The following GAD2 variants were observed in gnomAD, a reference collection of about 807,000 sequenced individuals.
GAD2 encodes the protein glutamate decarboxylase 2.
Under a neutral mutation model 80.1 loss-of-function variants are expected in GAD2, and 22 were observed. The ratio of observed to expected loss-of-function variants is 0.27; its 90% CI spans 0.20 to 0.39. The LOEUF (loss-of-function observed/expected upper bound fraction) is 0.39, where lower values mean the gene tolerates loss of function less well. GAD2 is among the 10% of genes least tolerant of loss of function. GAD2 has a pLI of 1.00. For synonymous variants in GAD2, 274 were observed against 256.9 expected (o/e 1.07, Z -0.64); for missense variants, 624 against 738.4 (o/e 0.85, Z 1.80).
At chr10:26,274,120 G>C (rs1845170407) in intron 11 of GAD2, among the ~76,000 whole-genome samples, 1 of 152,266 alleles carries the variant, frequency 6.6e-6, no homozygotes, top group South Asian at 2.1e-4. Flanking sequence ...ATTTTTCAAA[G>C]CAAATAAGCA....
chr10:26,244,043 C>T (rs1766976764), intron 7 of GAD2, among the ~76,000 whole-genome samples: 1 of 152,210 alleles, frequency 6.6e-6, no homozygotes, highest in Admixed American at 6.5e-5. Context: ...AAATAAACGA[C>T]TGTATTCAAA....
At chr10:26,252,408 T>G (rs1240248654) in intron 8 of GAD2, among the ~76,000 whole-genome samples, 1 of 151,964 alleles carries the variant, frequency 6.6e-6, no homozygotes, top group African/African-American at 2.4e-5. Context: ...AGTGGCACAA[T>G]CTCAGCTCAC....
At chr10:26,220,473 C>T (rs8190609) in intron 4 of GAD2, among the ~76,000 whole-genome samples, 4 of 152,010 alleles carry the variant, frequency 2.6e-5, no homozygotes, top group African/African-American at 7.2e-5. Flanking sequence ...GGTAGGCATA[C>T]AAAAAGCCTT....
At chr10:26,277,535 C>T (rs960922981) in intron 11 of GAD2, among the ~76,000 whole-genome samples, 3 of 152,174 alleles carry the variant, frequency 2.0e-5, no homozygotes, top group Non-Finnish European at 4.4e-5. Context: ...GGCATTAACT[C>T]TGCATTAGAG....
At chr10:26,263,010 C>T (rs1261005565) in intron 8 of GAD2, among the ~76,000 whole-genome samples, 3 of 152,140 alleles carry the variant, frequency 2.0e-5, no homozygotes, top group Admixed American at 1.3e-4. Context: ...AAGGAGGTTT[C>T]ATATACAAAA....
intron 10 of GAD2, among the ~76,000 whole-genome samples, chr10:26,272,411 A>G (rs1383364850): frequency 6.6e-6 from 1 of 152,180 alleles, no homozygotes; most frequent in Non-Finnish European, 1.5e-5. Flanking sequence ...CCTCCTACTT[A>G]AATTAGAACT....
In GAD2 at chr10:26,224,539, G is replaced by C; in HGVS notation, c.612G>C (p.Met204Ile). The change falls in exon 6 of 16, where the codon ATG becomes ATC. Residue 204 changes from methionine to isoleucine, a missense_variant and splice_region_variant. Physicochemically the swap from Met to Ile is conservative, Grantham distance 10. Coordinates refer to ENST00000376261, the MANE Select transcript of GAD2 (RefSeq NM_001134366.2). ...DWLTSTANTN[M>I]FTYEIAPVFV... ...AAATGTGGCCATTACTACATTTCAG[G>C]TTCACCTATGAAATTGCTCCAGTAT... 3 of 1,594,554 alleles carry C rather than the reference G, an allele frequency of 1.9e-6. No homozygotes were observed. The highest frequency in any genetic ancestry group is 1.7e-6 in the Non-Finnish European group (2 of 1,162,240).
intron 7 of GAD2, among the ~76,000 whole-genome samples, 153 bp from the exon 8 acceptor site, chr10:26,245,768 C>A (rs969707947): frequency 6.6e-6 from 1 of 152,038 alleles, no homozygotes; most frequent in Non-Finnish European, 1.5e-5. Flanking sequence ...TAAAAAAGCA[C>A]AAGTGAAGGA....
At chr10:26,226,852 C>T (rs574136050) in intron 6 of GAD2, among the ~76,000 whole-genome samples, 1 of 152,332 alleles carries the variant, frequency 6.6e-6, no homozygotes, top group South Asian at 2.1e-4. Flanking sequence ...CAGAGAAATA[C>T]AGAGCATTCC....
chr10:26,272,601 C>T (rs989054073), intron 10 of GAD2, among the ~76,000 whole-genome samples: 21 of 152,176 alleles, frequency 1.4e-4, no homozygotes, highest in African/African-American at 4.8e-4. Flanking sequence ...CAGTGTCTCA[C>T]GCCTGTAATC....
At chr10:26,262,226 C>A (rs184902018) in intron 8 of GAD2, among the ~76,000 whole-genome samples, 1 of 149,314 alleles carries the variant, frequency 6.7e-6, no homozygotes, top group Non-Finnish European at 1.5e-5. Context: ...GAGGTGGGGG[C>A]AGATTTTTGG....
At chr10:26,293,952 A>C (rs970174024) in intron 15 of GAD2, among the ~76,000 whole-genome samples, 3 of 152,248 alleles carry the variant, frequency 2.0e-5, no homozygotes, top group African/African-American at 7.2e-5. Context: ...GAAAGTCTGC[A>C]TCCGAGCCTA....
intron 15 of GAD2, among the ~76,000 whole-genome samples, chr10:26,294,238 G>A (rs912348136): frequency 6.6e-6 from 1 of 152,216 alleles, no homozygotes; most frequent in Non-Finnish European, 1.5e-5. Flanking sequence ...TCACTGCTCA[G>A]GAGCTTGGGC....
At chr10:26,247,895 CA>C (rs11407523) in intron 8 of GAD2, among the ~76,000 whole-genome samples, 1,965 of 46,292 alleles carry the variant, frequency 0.042, 30 homozygotes, top group African/African-American at 0.12. Flanking sequence ...GACTCCATCT[CA>C]AAAAAAAAAA....
At chr10:26,277,502 C>T (rs1251545883) in intron 11 of GAD2, among the ~76,000 whole-genome samples, 2 of 152,136 alleles carry the variant, frequency 1.3e-5, no homozygotes. Context: ...AGCAGAAGTG[C>T]AATGTGATCT....
chr10:26,282,908 GT>G (rs1845287823), intron 12 of GAD2, among the ~76,000 whole-genome samples: 1 of 152,150 alleles, frequency 6.6e-6, no homozygotes, highest in Non-Finnish European at 1.5e-5. Flanking sequence ...TTTTGGACTG[GT>G]TTTTCATCAG....
intron 15 of GAD2, among the ~76,000 whole-genome samples, chr10:26,293,759 G>C (rs1026237852): frequency 3.9e-5 from 6 of 152,164 alleles, no homozygotes; most frequent in African/African-American, 9.7e-5. Context: ...ACCCCTAGAA[G>C]GTAAGAGGGC....
chr10:26,255,553 C>T (rs966862389), intron 8 of GAD2, among the ~76,000 whole-genome samples: 3 of 142,846 alleles, frequency 2.1e-5, no homozygotes, highest in Admixed American at 1.4e-4. Flanking sequence ...CTGCCCATTT[C>T]GCTATGAGGT....
At position 26,218,551 on chromosome 10, in the gene GAD2, T is replaced by TCTCA. The variant is rs748110324; in HGVS notation, c.287-491_287-490insTCAC. Among the ~76,000 whole-genome samples the TCTCA allele has an allele frequency of 2.7e-3, 320 of 118,856 alleles. 3 individuals are homozygous for TCTCA. Among genetic ancestry groups the TCTCA allele is most frequent in the African/African-American group, 6.1e-3 (197 of 32,334 alleles). 78.0% of individuals were successfully genotyped at this position (118,856 alleles called of 152,430 possible). On this transcript the variant is annotated intron_variant, in intron 3 of 15. Transcript: ENST00000376261. ...CATGCATACGCTCTCTCTCTCTCTC[T>TCTCA]CACACACACACACACACACACACAC...
Sources: gnomAD v4.1 joint callset for allele counts (sites outside exome capture counted in the v4.1 genomes callset) on GRCh38, gnomAD v4.1.1 for gene constraint, MANE v1.5 for transcripts, NCBI Gene and HGNC (gene_info 2026-07-23, HGNC 2026-07-21) for gene names.